Variants in TRPM3 observed in about 807,000 individuals in gnomAD.
TRPM3 encodes long transient receptor potential channel 3.
A neutral mutation model predicts 181.2 loss-of-function variants in TRPM3; 77 were observed. The observed-to-expected ratio is 0.42, with a 90% CI of 0.35 to 0.51. The LOEUF (loss-of-function observed/expected upper bound fraction) is 0.51, where lower values mean the gene tolerates loss of function less well. TRPM3 is among the 20% of genes least tolerant of loss of function. The pLI is 0.01. For missense variants in TRPM3, 1,759 were observed against 2,196.7 expected (o/e 0.80, Z 3.98); for synonymous variants, 745 against 796.4 (o/e 0.94, Z 1.09).
chr9:70,547,749 C>A (rs184805628), intron 25 of TRPM3, among the ~76,000 whole-genome samples: 1 of 152,168 alleles, frequency 6.6e-6, no homozygotes, highest in Non-Finnish European at 1.5e-5. Flanking sequence ...TACATTCTGT[C>A]CTGGACTTCT....
At position 70,810,095 on chromosome 9, in the gene TRPM3, G is replaced by A. The variant is rs182878843; in HGVS notation, c.973+17752C>T. 103 of 534,158 alleles carry A rather than the reference G, an allele frequency of 1.9e-4. 1 individual carries two copies. The highest frequency in any genetic ancestry group is 1.4e-3 in the Admixed American group (73 of 51,544). The allele number at this position is 534,158 out of a possible 1,614,324, so 33.1% of individuals were successfully genotyped here. A position where few individuals can be genotyped will look rare whatever the true frequency, so the allele number is the denominator to read the frequency against. Reference sequence around the variant, plus strand: ...AGAAAGACTGTAGCCATGGGTACGCGATCAGGAAGTCCTCTGCTTGCCTCC... The same window carrying A: ...AGAAAGACTGTAGCCATGGGTACGCAATCAGGAAGTCCTCTGCTTGCCTCC... On this transcript the variant is annotated intron_variant, in intron 6 of 25. Transcript: ENST00000677713.
intron 22 of TRPM3, among the ~76,000 whole-genome samples, chr9:70,573,972 TCACACACACA>T (rs59193514): frequency 3.4e-4 from 48 of 141,038 alleles, no homozygotes; most frequent in Middle Eastern, 3.5e-3. Flanking sequence ...GCAATTCATT[TCACACACACA>T]CACACACACA....
At chr9:71,388,736 T>C (rs2092988534) in intron 1 of TRPM3, among the ~76,000 whole-genome samples, 1 of 152,036 alleles carries the variant, frequency 6.6e-6, no homozygotes, top group Admixed American at 6.6e-5. Flanking sequence ...CACTTAAAAC[T>C]CAACAACAAC....
intron 1 of TRPM3, among the ~76,000 whole-genome samples, chr9:70,940,459 G>C (rs1694972903): frequency 6.6e-6 from 1 of 152,172 alleles, no homozygotes; most frequent in African/African-American, 2.4e-5. Flanking sequence ...TCTTGCTCTT[G>C]CTGGTTCATC....
chr9:70,537,144 G>A lies in TRPM3; in HGVS notation c.3969C>T (p.Leu1323=), dbSNP rs560346836. The change falls in exon 26 of 26, where the codon CTC becomes CTT. Residue 1323 remains leucine, a synonymous_variant. Coordinates refer to ENST00000677713, the MANE Select transcript of TRPM3 (RefSeq NM_001366145.2). ...CACCTGCAGGGTCTATACTCTCTTGGAGCTTGAAGGTGTTCCCTTCCTGGC... is the reference window on the plus strand; with the variant it reads ...CACCTGCAGGGTCTATACTCTCTTGAAGCTTGAAGGTGTTCCCTTCCTGGC... ...FNSQEGNTFK[L]QESIDPAGEE... is the part of the protein sequence containing the mutation. 1.3e-6 allele frequency: 2 copies of A among 1,591,530 alleles called. No individual in the cohort carries two copies. The highest frequency in any genetic ancestry group is 1.3e-5 in the African/African-American group (1 of 74,354).
intron 20 of TRPM3, among the ~76,000 whole-genome samples, chr9:70,602,991 T>G (rs551187763): frequency 6.6e-6 from 1 of 152,246 alleles, no homozygotes; most frequent in Non-Finnish European, 1.5e-5. Context: ...GCAGACTGTG[T>G]CCGAAGACAC....
intron 1 of TRPM3, among the ~76,000 whole-genome samples, chr9:71,418,359 C>A (rs1412168878): frequency 1.3e-5 from 2 of 151,946 alleles, no homozygotes; most frequent in African/African-American, 4.8e-5. Flanking sequence ...ATTAAGGGAA[C>A]TGGAAGTTCA....
At chr9:71,099,104 TA>T (rs1199603942) in intron 1 of TRPM3, among the ~76,000 whole-genome samples, 2 of 152,158 alleles carry the variant, frequency 1.3e-5, no homozygotes, top group Non-Finnish European at 2.9e-5. Flanking sequence ...AGGTGGCTTA[TA>T]AAAATTTATT....
At chr9:71,371,313 A>C (rs529104255) in intron 1 of TRPM3, among the ~76,000 whole-genome samples, 1 of 152,356 alleles carries the variant, frequency 6.6e-6, no homozygotes, top group South Asian at 2.1e-4. Flanking sequence ...AAGTACATTA[A>C]GATCCTCTGG....
intron 10 of TRPM3, 77 bp downstream of exon 10, chr9:70,640,483 T>C: frequency 8.9e-7 from 1 of 1,126,288 alleles, no homozygotes; most frequent in Non-Finnish European, 1.3e-6. Context: ...TTTTCTGAGC[T>C]GACCTCAGAG....
At chr9:71,043,753 G>A (rs1460144485) in intron 1 of TRPM3, among the ~76,000 whole-genome samples, 1 of 152,208 alleles carries the variant, frequency 6.6e-6, no homozygotes, top group Admixed American at 6.5e-5. Context: ...ATCTTGGGGT[G>A]AGAGAATGGG....
rs779997434 is a variant in TRPM3 at position 70,535,664 on chromosome 9, G to A, written c.*289C>T. ...CCCTGCTCTCATGGCTTTCTGCTGT[G>A]ACTGCGGATACACATTCATCTCTAA... On this transcript the variant is annotated 3_prime_UTR_variant, in exon 26 of 26. Coordinates refer to ENST00000677713, the MANE Select transcript of TRPM3 (RefSeq NM_001366145.2). The A allele has an allele frequency of 3.5e-6, 5 of 1,441,242 alleles. No individual in the cohort carries two copies. Among genetic ancestry groups the A allele is most frequent in the Non-Finnish European group, 4.5e-6 (5 of 1,105,510 alleles). 89.3% of individuals were successfully genotyped at this position (1,441,242 alleles called of 1,614,324 possible).
At chr9:70,608,017 A>T (rs1391157416) in intron 19 of TRPM3, among the ~76,000 whole-genome samples, 3 of 152,246 alleles carry the variant, frequency 2.0e-5, no homozygotes, top group Non-Finnish European at 2.9e-5. Context: ...ATGAAGGTGT[A>T]ACAAGACCAA....
intron 1 of TRPM3, among the ~76,000 whole-genome samples, chr9:71,187,893 AG>A (rs1565318495): frequency 8.6e-5 from 1 of 11,624 alleles, no homozygotes; most frequent in Non-Finnish European, 1.7e-4. Context: ...GACAGATGAT[AG>A]ATAGATAGAT....
At chr9:71,364,952 T>A (rs1346912) in intron 1 of TRPM3, among the ~76,000 whole-genome samples, 149,181 of 152,290 alleles carry the variant, frequency 0.98, 73,149 homozygotes, top group East Asian at 1. Context: ...AATAAGATAC[T>A]ATCTCATTTC....
intron 1 of TRPM3, chr9:70,917,262 C>G (rs373779525): frequency 6.6e-7 from 1 of 1,506,092 alleles, no homozygotes; most frequent in Non-Finnish European, 9.2e-7. Flanking sequence ...ATCATAAACA[C>G]CAATTCAGCA....
chr9:70,678,379 C>T (rs552300347), intron 9 of TRPM3, among the ~76,000 whole-genome samples: 8 of 152,170 alleles, frequency 5.3e-5, no homozygotes, highest in African/African-American at 1.4e-4. Flanking sequence ...GTGCTACTCC[C>T]GCCTCAACCT....
At chr9:70,991,594 T>C (rs953892391) in intron 1 of TRPM3, among the ~76,000 whole-genome samples, 1 of 139,120 alleles carries the variant, frequency 7.2e-6, no homozygotes, top group Non-Finnish European at 1.5e-5. Flanking sequence ...AAGGGATCCA[T>C]AGGCTTTCCC....
chr9:71,084,029 C>A (rs918261160), intron 1 of TRPM3, among the ~76,000 whole-genome samples: 31 of 151,806 alleles, frequency 2.0e-4, no homozygotes, highest in African/African-American at 7.0e-4. Context: ...TGTACTCAGT[C>A]TATGTGGGAG....
Sources: gnomAD v4.1 joint callset for allele counts (sites outside exome capture counted in the v4.1 genomes callset) on GRCh38, gnomAD v4.1.1 for gene constraint, MANE v1.5 for transcripts, NCBI Gene and HGNC (gene_info 2026-07-23, HGNC 2026-07-21) for gene names.